The following SKOR2 variants were observed in gnomAD, a reference collection of about 807,000 sequenced individuals.
The protein encoded by SKOR2 is LBX1 corepressor 1-like protein.
In SKOR2, 47 loss-of-function variants were observed where a neutral mutation model predicts 69.1. That is an observed-to-expected ratio of 0.68 (90% CI 0.54 to 0.87). The LOEUF (loss-of-function observed/expected upper bound fraction) is 0.87, where lower values mean the gene tolerates loss of function less well. SKOR2 is among the 40% of genes least tolerant of loss of function. The pLI is 0.00. For missense variants in SKOR2, 1,404 were observed against 1,472.2 expected (o/e 0.95, Z 0.76); for synonymous variants, 717 against 672.6 (o/e 1.07, Z -1.02).
At chr18:47,238,320 C>CTTTT (rs772229985) in intron 4 of SKOR2, among the ~76,000 whole-genome samples, 60 of 108,026 alleles carry the variant, frequency 5.6e-4, no homozygotes, top group African/African-American at 1.0e-3. Flanking sequence ...CTTTTCTTTT[C>CTTTT]TTTTTTTTTT....
chr18:47,247,365 G>T lies in SKOR2; in HGVS notation c.1819C>A (p.Leu607Ile). ...CCGCCCGCTTTGCGCCCCTCCAGAAGGTGCGGATGGTGGGGCGCCGGAACC... is the reference window on the plus strand; with the variant it reads ...CCGCCCGCTTTGCGCCCCTCCAGAATGTGCGGATGGTGGGGCGCCGGAACC... ...SRVPAPHHPH[L>I]LEGRKAGGGS... Residue 607 changes from leucine (L) to isoleucine (I), a missense_variant, in exon 2 of 9, where the codon CTT becomes ATT. Leu to Ile is a conservative substitution (Grantham distance 5). This residue lies in a region of SKOR2 where 1,266 missense variants were observed against 1,309.9 expected (regional missense o/e 0.97). Coordinates refer to ENST00000425639, the MANE Select transcript of SKOR2 (RefSeq NM_001278063.4). The surrounding 1 kb of genome is among the most constrained non-coding windows in gnomAD (Gnocchi z 6.6). 6.9e-7 allele frequency: 1 copy of T among 1,443,286 alleles called. No individual in the cohort carries two copies. Among genetic ancestry groups the T allele is most frequent in the Non-Finnish European group, 9.1e-7 (1 of 1,101,904 alleles). The allele number at this position is 1,443,286 out of a possible 1,614,324, so 89.4% of individuals were successfully genotyped here.
chr18:47,208,415 T>C (rs1457827368), intron 8 of SKOR2, among the ~76,000 whole-genome samples: 1 of 152,212 alleles, frequency 6.6e-6, no homozygotes, highest in Non-Finnish European at 1.5e-5. Context: ...ATTTCCAGTT[T>C]GGCCAATGAG....
intron 4 of SKOR2, among the ~76,000 whole-genome samples, chr18:47,239,559 C>A (rs933004687): frequency 1.3e-5 from 2 of 152,142 alleles, no homozygotes; most frequent in African/African-American, 4.8e-5. Flanking sequence ...AATTAAATAT[C>A]TTTGATTAGT....
intron 4 of SKOR2, among the ~76,000 whole-genome samples, chr18:47,239,202 A>G (rs1465537293): frequency 6.6e-6 from 1 of 152,228 alleles, no homozygotes; most frequent in Non-Finnish European, 1.5e-5. Context: ...AAGTCATTAA[A>G]AAATCAATTA....
chr18:47,238,435 G>C (rs1229363716), intron 4 of SKOR2, among the ~76,000 whole-genome samples: 1 of 147,832 alleles, frequency 6.8e-6, no homozygotes, highest in African/African-American at 2.5e-5. Flanking sequence ...CGATTCTCCT[G>C]CCTCAGCCTC....
chr18:47,243,799 C>G (rs990980526), intron 4 of SKOR2, among the ~76,000 whole-genome samples: 17 of 152,118 alleles, frequency 1.1e-4, no homozygotes, highest in African/African-American at 4.1e-4. Flanking sequence ...AATGTGCTAA[C>G]AAACAGGTAA....
chr18:47,231,273 C>G, intron 4 of SKOR2: 1 of 1,070,700 alleles, frequency 9.3e-7, no homozygotes, highest in East Asian at 2.6e-5. Flanking sequence ...AACCCCCTAC[C>G]GCCATCCATC....
chr18:47,230,889 C>T lies in SKOR2; in HGVS notation c.2818+46G>A, dbSNP rs1232148348. The T allele has an allele frequency of 2.1e-5, 31 of 1,500,746 alleles. 1 individual carries two copies. The highest frequency in any genetic ancestry group is 2.0e-5 in the Admixed American group (1 of 50,362). The allele number at this position is 1,500,746 out of a possible 1,614,324, so 93.0% of individuals were successfully genotyped here. A position where few individuals can be genotyped will look rare whatever the true frequency, so the allele number is the denominator to read the frequency against. ...AATATCCTCCTATTATCTCCACAGTCGTTTAAAGCTAAGAGAAGTTCTACA... is the reference window on the plus strand; with the variant it reads ...AATATCCTCCTATTATCTCCACAGTTGTTTAAAGCTAAGAGAAGTTCTACA... On this transcript the variant is annotated intron_variant, in intron 5 of 8. Transcript: ENST00000425639.
At chr18:47,232,654 A>G (rs2064204140) in intron 4 of SKOR2, among the ~76,000 whole-genome samples, 1 of 152,066 alleles carries the variant, frequency 6.6e-6, no homozygotes, top group African/African-American at 2.4e-5. Context: ...GCCATGTGTT[A>G]CTTGGCGGCA....
Position 47,247,690 on chromosome 18 carries a change from C to A in SKOR2, c.1494G>T (p.Ala498=), listed in dbSNP as rs1239379750. 6 of 1,366,624 alleles carry A rather than the reference C, an allele frequency of 4.4e-6. No individual in the cohort carries two copies. The highest frequency in any genetic ancestry group is 6.2e-5 in the East Asian group (2 of 32,154). The allele number at this position is 1,366,624 out of a possible 1,614,324, so 84.7% of individuals were successfully genotyped here. The change falls in exon 2 of 9, where the codon GCG becomes GCT. Residue 498 remains alanine, a synonymous_variant. Transcript: ENST00000425639. The surrounding 1 kb of genome is among the most constrained non-coding windows in gnomAD (Gnocchi z 6.6). ...GCAGCAGGGCCGGGCTTTCGCCTAG[C>A]GCGCAGCCTAGCGCCGAGGGCGGCT... ...PPQPPSALGC[A]LGESPALLRQ...
intron 6 of SKOR2, among the ~76,000 whole-genome samples, chr18:47,226,456 G>A (rs1243098212): frequency 1.3e-5 from 2 of 152,106 alleles, no homozygotes; most frequent in African/African-American, 2.4e-5. Flanking sequence ...CTTGATAATG[G>A]TGGGGCCCCT....
intron 6 of SKOR2, among the ~76,000 whole-genome samples, chr18:47,220,856 A>G (rs1287841991): frequency 6.6e-6 from 1 of 152,096 alleles, no homozygotes; most frequent in East Asian, 1.9e-4. Flanking sequence ...GCTTGAGGAA[A>G]CCAGAAACTT....
intron 7 of SKOR2, among the ~76,000 whole-genome samples, chr18:47,212,454 C>T (rs984040946): frequency 2.0e-5 from 3 of 152,088 alleles, no homozygotes. Context: ...AATATGGTAT[C>T]ATATTTATTT....
At chr18:47,235,290 C>T (rs2064217497) in intron 4 of SKOR2, among the ~76,000 whole-genome samples, 1 of 152,048 alleles carries the variant, frequency 6.6e-6, no homozygotes, top group Admixed American at 6.5e-5. Context: ...GAGGTCAAGG[C>T]TGAGGTGAGT....
intron 3 of SKOR2, among the ~76,000 whole-genome samples, 177 bp from the exon 4 acceptor site, chr18:47,245,159 C>A (rs569107337): frequency 6.6e-6 from 1 of 152,034 alleles, no homozygotes; most frequent in East Asian, 1.9e-4. Flanking sequence ...AATGTGGCAA[C>A]TATTCAGAGA....
At chr18:47,210,348 G>A (rs1193005050) in intron 8 of SKOR2, among the ~76,000 whole-genome samples, 1 of 152,130 alleles carries the variant, frequency 6.6e-6, no homozygotes, top group Admixed American at 6.6e-5. Flanking sequence ...GTGTATGTGT[G>A]TGTTTGTGTG....
intron 4 of SKOR2, 124 bp from the exon 5 acceptor site, chr18:47,231,124 C>T: frequency 6.5e-7 from 1 of 1,536,108 alleles, no homozygotes; most frequent in Middle Eastern, 1.7e-4. Context: ...TGGAAGTCCT[C>T]ATAACCAAAT....
intron 5 of SKOR2, 117 bp from the exon 6 acceptor site, chr18:47,230,674 G>A (rs1271042170): frequency 2.9e-6 from 2 of 700,472 alleles, no homozygotes; most frequent in Non-Finnish European, 4.4e-6. Flanking sequence ...AAAAAGTGTT[G>A]CATAGACATA....
intron 4 of SKOR2, among the ~76,000 whole-genome samples, chr18:47,241,054 T>A (rs1006022449): frequency 6.6e-6 from 1 of 152,178 alleles, no homozygotes; most frequent in Admixed American, 6.5e-5. Context: ...TAGACTACGA[T>A]TATAGTACTC....
Sources: allele counts gnomAD v4.1 joint callset (sites outside exome capture counted in the v4.1 genomes callset), GRCh38; gene constraint gnomAD v4.1.1; regional missense constraint gnomAD v4.1.1; non-coding constraint Gnocchi (gnomAD v3.1); transcripts MANE v1.5; gene names NCBI Gene and HGNC (gene_info 2026-07-23, HGNC 2026-07-21).